The following MACROD2 variants were observed in gnomAD, a reference collection of about 807,000 sequenced individuals.
The protein encoded by MACROD2 is ADP-ribose glycohydrolase MACROD2.
A neutral mutation model predicts 70.4 loss-of-function variants in MACROD2; 36 were observed. That is an observed-to-expected ratio of 0.51 (90% confidence interval 0.39 to 0.68). The LOEUF is 0.68. MACROD2 is among the 30% of genes least tolerant of loss of function. The probability of loss-of-function intolerance (pLI) is 0.00; values close to 1 mark genes in which losing one functional copy is unlikely to be tolerated. For synonymous variants in MACROD2, 172 were observed against 178.8 expected, an observed-to-expected ratio of 0.96 and a Z score of 0.30; for missense variants, 496 against 538.4, an observed-to-expected ratio of 0.92 and a Z score of 0.78.
intron 5 of MACROD2, among the ~76,000 whole-genome samples, chr20:14,802,024 A>G (rs2122142871): frequency 6.6e-6 from 1 of 152,206 alleles, no homozygotes; most frequent in East Asian, 1.9e-4. Context: ...TCAGGAACAT[A>G]GCAGAATTTA....
intron 8 of MACROD2, among the ~76,000 whole-genome samples, chr20:15,505,151 C>T (rs1297682289): frequency 2.0e-5 from 3 of 152,150 alleles, no homozygotes; most frequent in Non-Finnish European, 4.4e-5. Context: ...TTTCACCCTT[C>T]AGAGCCACAA....
intron 7 of MACROD2, among the ~76,000 whole-genome samples, chr20:15,470,374 T>G (rs1428010022): frequency 2.0e-5 from 3 of 152,140 alleles, no homozygotes; most frequent in Admixed American, 6.6e-5. Flanking sequence ...TGAATAAACT[T>G]CCCTTCTTCT....
intron 8 of MACROD2, among the ~76,000 whole-genome samples, chr20:15,824,477 T>C (rs766748928): frequency 1.3e-5 from 2 of 152,084 alleles, no homozygotes; most frequent in Non-Finnish European, 2.9e-5. Context: ...TGAATGAAAA[T>C]TATGTGTTTA....
At chr20:15,233,664 G>T (rs1296645167) in intron 6 of MACROD2, among the ~76,000 whole-genome samples, 2 of 151,700 alleles carry the variant, frequency 1.3e-5, no homozygotes, top group Non-Finnish European at 2.9e-5. Context: ...ATTTGCTTTA[G>T]GTGGTAAAGG....
intron 1 of MACROD2, among the ~76,000 whole-genome samples, chr20:14,000,872 T>G (rs1173015977): frequency 1.3e-5 from 2 of 152,236 alleles, no homozygotes; most frequent in Non-Finnish European, 2.9e-5. Context: ...CAGTTTTGTT[T>G]TACTTTTGTT....
intron 6 of MACROD2, among the ~76,000 whole-genome samples, chr20:15,294,783 G>A (rs2077571420): frequency 6.6e-6 from 1 of 152,134 alleles, no homozygotes; most frequent in Non-Finnish European, 1.5e-5. Context: ...GGTTTTTAGT[G>A]ACAGAAAACC....
At chr20:14,610,942 C>T (rs1057375833) in intron 4 of MACROD2, among the ~76,000 whole-genome samples, 3 of 152,066 alleles carry the variant, frequency 2.0e-5, no homozygotes. Context: ...GTTAATTCTG[C>T]ATTGGAGACT....
intron 8 of MACROD2, among the ~76,000 whole-genome samples, chr20:15,788,258 G>A (rs1193537084): frequency 6.6e-6 from 1 of 152,108 alleles, no homozygotes; most frequent in Non-Finnish European, 1.5e-5. Context: ...CTTAACTGCC[G>A]TTGCTGAGAT....
intron 10 of MACROD2, among the ~76,000 whole-genome samples, chr20:15,919,479 G>C (rs1258265189): frequency 6.6e-6 from 1 of 152,198 alleles, no homozygotes; most frequent in East Asian, 1.9e-4. Context: ...GCTCATGCCT[G>C]TAATCCCAGC....
chr20:14,073,052 G>A (rs4814279), intron 2 of MACROD2, among the ~76,000 whole-genome samples: 149,411 of 152,318 alleles, frequency 0.98, 73,348 homozygotes, highest in East Asian at 1. Flanking sequence ...ATGAGATTAC[G>A]CGGCTGGGCA....
rs111397982 is a variant in MACROD2, at chr20:15,979,904, C to T, written c.986-6823C>T. ...CGAGCCGCAGACAAAACTTCTCAGACACCAAGTTGTAGAAGGAAGGGCTTT... is the reference window on the plus strand; with the variant it reads ...CGAGCCGCAGACAAAACTTCTCAGATACCAAGTTGTAGAAGGAAGGGCTTT... On this transcript the variant is annotated intron_variant, in intron 13 of 17. Coordinates refer to ENST00000684519, the MANE Select transcript of MACROD2 (RefSeq NM_001351661.2). 6.7e-3 allele frequency among the ~76,000 whole-genome samples: 1,018 copies of T among 152,268 alleles called. 7 individuals are homozygous for T. The highest frequency in any genetic ancestry group is 0.019 in the African/African-American group (806 of 41,550).
At chr20:15,496,980 A>G (rs1200488461) in intron 7 of MACROD2, among the ~76,000 whole-genome samples, 1 of 152,182 alleles carries the variant, frequency 6.6e-6, no homozygotes, top group Non-Finnish European at 1.5e-5. Context: ...AATGAAATCA[A>G]TGGGAAAGGG....
chr20:14,416,237 G>A (rs35505382), intron 3 of MACROD2, among the ~76,000 whole-genome samples: 22,778 of 152,098 alleles, frequency 0.15, 2,407 homozygotes, highest in Non-Finnish European at 0.22. Flanking sequence ...GATTACAGGC[G>A]TGAGCCACCG....
At chr20:14,643,768 G>C (rs1985222643) in intron 4 of MACROD2, among the ~76,000 whole-genome samples, 1 of 152,166 alleles carries the variant, frequency 6.6e-6, no homozygotes, top group East Asian at 1.9e-4. Context: ...CACCTGTGGT[G>C]ACTGTCCTTT....
At chr20:14,009,882 A>G (rs763966007) in intron 2 of MACROD2, among the ~76,000 whole-genome samples, 2 of 152,196 alleles carry the variant, frequency 1.3e-5, no homozygotes, top group Non-Finnish European at 2.9e-5. Context: ...CAGAAAACCA[A>G]ATACCACATG....
At position 14,442,260 on chromosome 20, in the gene MACROD2, A is replaced by G. The variant is rs148049337; in HGVS notation, c.272-51219A>G. On this transcript the variant is annotated intron_variant, in intron 3 of 17. Transcript: ENST00000684519. ...ACTCTAGCCTGGGTGATAGAGTGAG[A>G]CTCCATGTCAAAACAAACAAACAAA... Among the ~76,000 whole-genome samples, 462 of 152,178 alleles carry G rather than the reference A, an allele frequency of 3.0e-3. 5 individuals carry two copies. Among genetic ancestry groups the G allele is most frequent in the African/African-American group, 0.011 (442 of 41,468 alleles).
intron 4 of MACROD2, among the ~76,000 whole-genome samples, chr20:14,496,826 C>T (rs2123112904): frequency 6.6e-6 from 1 of 151,778 alleles, no homozygotes; most frequent in East Asian, 1.9e-4. Flanking sequence ...TTTCAGGAGG[C>T]ATTTATATTA....
At chr20:15,159,036 A>C (rs2076328956) in intron 5 of MACROD2, among the ~76,000 whole-genome samples, 1 of 152,162 alleles carries the variant, frequency 6.6e-6, no homozygotes, top group African/African-American at 2.4e-5. Context: ...CACAAAGTTA[A>C]AGAGGAAATT....
At chr20:15,509,556 T>C (rs2047472276) in intron 8 of MACROD2, among the ~76,000 whole-genome samples, 1 of 152,176 alleles carries the variant, frequency 6.6e-6, no homozygotes, top group Non-Finnish European at 1.5e-5. Context: ...CCTGCAGGAA[T>C]GTACTCAGGA....
Sources: gnomAD v4.1 joint callset for allele counts (sites outside exome capture counted in the v4.1 genomes callset) on GRCh38, gnomAD v4.1.1 for gene constraint, MANE v1.5 for transcripts, NCBI Gene and HGNC (gene_info 2026-07-23, HGNC 2026-07-21) for gene names.